The following RBFOX3 variants were observed in gnomAD, a reference collection of about 807,000 sequenced individuals.
RBFOX3 encodes RNA binding protein fox-1 homolog 3.
In RBFOX3, 17 loss-of-function variants were observed where a neutral mutation model predicts 48.7. That is an observed-to-expected ratio of 0.35 (90% CI 0.24 to 0.52). RBFOX3 has a LOEUF of 0.52. Among genes scored for constraint, RBFOX3 ranks in the 20% least tolerant of loss-of-function variants. The pLI, the probability that RBFOX3 is intolerant of heterozygous loss-of-function variation, is 0.94. For synonymous variants in RBFOX3, 212 were observed against 209.5 expected (o/e 1.01, Z -0.10); for missense variants, 382 against 497.5 (o/e 0.77, Z 2.21).
chr17:79,445,149 C>T (rs2071976931), intron 2 of RBFOX3, among the ~76,000 whole-genome samples: 1 of 152,188 alleles, frequency 6.6e-6, no homozygotes, highest in African/African-American at 2.4e-5. Context: ...ACCTTTTCAT[C>T]AGTCGATAGA....
chr17:79,647,598 C>T, the RBFOX3 span, among the ~76,000 whole-genome samples: 438 of 152,270 alleles, frequency 2.9e-3, 1 homozygote, highest in African/African-American at 8.0e-3. Context: ...CTCCCCCAGC[C>T]CCGGGAGCCT....
At position 79,514,373 on chromosome 17, in the gene RBFOX3, T is replaced by C. The variant is rs998744921; in HGVS notation, c.-319-31775A>G. 2.0e-5 allele frequency among the ~76,000 whole-genome samples: 3 copies of C among 152,260 alleles called. No homozygotes were observed. In the East Asian group the frequency reaches 5.8e-4, roughly 29 times the overall value. ...ATGCACTCCCTGGGCCCAGCACTGG[T>C]CCAAGCAGTGGGCCACTATTGCCTC... On this transcript the variant is annotated intron_variant, in intron 1 of 14. Transcript: ENST00000693108.
intron 3 of RBFOX3, among the ~76,000 whole-genome samples, chr17:79,266,048 G>C (rs1199327927): frequency 6.6e-6 from 1 of 152,256 alleles, no homozygotes; most frequent in East Asian, 1.9e-4. Flanking sequence ...TGCTCACCCG[G>C]ACCGGGCAGG....
chr17:79,170,451 G>A (rs547713854), intron 4 of RBFOX3, among the ~76,000 whole-genome samples: 1 of 152,130 alleles, frequency 6.6e-6, no homozygotes, highest in Admixed American at 6.5e-5. Context: ...TCTCCATCAG[G>A]GAGCCACGGC....
rs552464685 is a variant in RBFOX3, at chr17:79,156,612, A to G, written c.-33-40864T>C. ...GCCAAATCTGGCCCGCTGCTTCTCT[A>G]TGTAAATAAAGTTTTATTGGAACCT... On this transcript the variant is annotated intron_variant, in intron 4 of 14. Coordinates refer to ENST00000693108, the MANE Select transcript of RBFOX3 (RefSeq NM_001350451.2). Among the ~76,000 whole-genome samples, 6 of 152,232 alleles carry G rather than the reference A, an allele frequency of 3.9e-5. No homozygotes were observed. The South Asian group carries it at 1.2e-3, about 32-fold the overall frequency.
At chr17:79,419,372 C>T (rs1018448182) in intron 2 of RBFOX3, among the ~76,000 whole-genome samples, 1 of 152,208 alleles carries the variant, frequency 6.6e-6, no homozygotes, top group Non-Finnish European at 1.5e-5. Context: ...TGAGCCAACG[C>T]CTCACCACTG....
intron 2 of RBFOX3, among the ~76,000 whole-genome samples, chr17:79,367,218 C>T (rs564365203): frequency 2.1e-4 from 32 of 151,160 alleles, no homozygotes; most frequent in African/African-American, 6.8e-4. Flanking sequence ...AGTCCTCCTC[C>T]TCTCCCTCCT....
intron 1 of RBFOX3, among the ~76,000 whole-genome samples, chr17:79,515,750 G>A (rs1261782496): frequency 1.3e-5 from 2 of 152,030 alleles, no homozygotes; most frequent in African/African-American, 4.8e-5. Context: ...TGTTAGTGTG[G>A]TGGGCAGGCA....
At chr17:79,664,846 G>A in the RBFOX3 span, among the ~76,000 whole-genome samples, 1 of 152,296 alleles carries the variant, frequency 6.6e-6, no homozygotes, top group East Asian at 1.9e-4. Flanking sequence ...TTCTATAAGT[G>A]GAATCACACA....
At chr17:79,611,130 T>TCTCTCTTTCTCTC, upstream of RBFOX3, among the ~76,000 whole-genome samples, 1 of 37,846 alleles carries the variant, frequency 2.6e-5, no homozygotes, top group Non-Finnish European at 4.3e-5. Flanking sequence ...TCCGCCCTCC[T>TCTCTCTTTCTCTC]TCTCTCTCTC....
intron 1 of RBFOX3, among the ~76,000 whole-genome samples, chr17:79,595,066 T>A (rs1904053065): frequency 6.6e-6 from 1 of 151,824 alleles, no homozygotes; most frequent in Admixed American, 6.6e-5. Context: ...AAGACGCTGA[T>A]CCCCTCCCTG....
At chr17:79,181,848 A>G (rs1453902822) in intron 4 of RBFOX3, among the ~76,000 whole-genome samples, 1 of 151,946 alleles carries the variant, frequency 6.6e-6, no homozygotes, top group African/African-American at 2.4e-5. Flanking sequence ...TTCTCTGTCC[A>G]TTGCTCCACC....
chr17:79,653,471 G>GTTAT, the RBFOX3 span, among the ~76,000 whole-genome samples: 1 of 152,222 alleles, frequency 6.6e-6, no homozygotes, highest in African/African-American at 2.4e-5. Flanking sequence ...AGTTATCATT[G>GTTAT]TTATAGTAAG....
rs1307329063 is a variant in RBFOX3, at chr17:79,106,531, C to T, written c.360+120G>A. ...ATCCTGGGGCCCCGGAGGCTCCCTG[C>T]GCAGTGGGAGGCAGGAAACCCGGGG... On this transcript the variant is annotated intron_variant, in intron 6 of 14. Transcript: ENST00000693108. 17 of 1,275,048 alleles carry T rather than the reference C, an allele frequency of 1.3e-5. No individual in the cohort carries two copies. In the East Asian group the frequency reaches 2.2e-4, roughly 16 times the overall value. The allele number at this position is 1,275,048 out of a possible 1,614,324, so 79.0% of individuals were successfully genotyped here. A position where few individuals can be genotyped will look rare whatever the true frequency, so the allele number is the denominator to read the frequency against.
rs969645473 is a variant in RBFOX3 at position 79,610,918 on chromosome 17, C to T, written c.-412G>A. Reference sequence around the variant, plus strand: ...CGAGCGGGCAGCGGCGTCCTGGGGCCGCACAGGCACCGGCGAGCCAGCGGC... The same window carrying T: ...CGAGCGGGCAGCGGCGTCCTGGGGCTGCACAGGCACCGGCGAGCCAGCGGC... On this transcript the variant is annotated 5_prime_UTR_variant, in exon 1 of 15. Transcript: ENST00000693108. Among the ~76,000 whole-genome samples the T allele has an allele frequency of 2.0e-5, 3 of 151,452 alleles. No individual in the cohort carries two copies. The highest frequency in any genetic ancestry group is 4.8e-5 in the African/African-American group (2 of 41,356).
At chr17:79,188,982 G>T (rs939113126) in intron 4 of RBFOX3, among the ~76,000 whole-genome samples, 1 of 152,226 alleles carries the variant, frequency 6.6e-6, no homozygotes, top group African/African-American at 2.4e-5. Context: ...CCAAGCCACC[G>T]TTTGGCAAAC....
intron 2 of RBFOX3, among the ~76,000 whole-genome samples, chr17:79,448,926 A>G (rs561044297): frequency 1.2e-4 from 18 of 152,152 alleles, no homozygotes; most frequent in Non-Finnish European, 2.4e-4. Context: ...TGTGGCTCCC[A>G]TGGTGAATTT....
At chr17:79,394,323 C>T (rs1336418651) in intron 2 of RBFOX3, among the ~76,000 whole-genome samples, 1 of 152,226 alleles carries the variant, frequency 6.6e-6, no homozygotes, top group Non-Finnish European at 1.5e-5. Context: ...GACACTCACT[C>T]CCCACAGTGC....
In RBFOX3 at chr17:79,231,153, A is replaced by G. The variant is rs368213309; in HGVS notation, c.-34+4613T>C. 5.3e-5 allele frequency among the ~76,000 whole-genome samples: 8 copies of G among 152,324 alleles called. No homozygotes were observed. In the South Asian group the frequency reaches 8.3e-4, roughly 16 times the overall value. ...GACAGAGCTGAGAGGTGGGGAGCCA[A>G]GGTGGCTGGAGTTATAAGACAGAGC... is the stretch of plus-strand genomic sequence containing the variant. On this transcript the variant is annotated intron_variant, in intron 4 of 14. Coordinates refer to ENST00000693108, the MANE Select transcript of RBFOX3 (RefSeq NM_001350451.2).
Sources: allele counts gnomAD v4.1 joint callset (sites outside exome capture counted in the v4.1 genomes callset), GRCh38; gene constraint gnomAD v4.1.1; transcripts MANE v1.5; gene names NCBI Gene and HGNC (gene_info 2026-07-23, HGNC 2026-07-21).